UBN1: variants seen among roughly 807,000 people sequenced by gnomAD.
UBN1 encodes ubinuclein 1, also known as ubinuclein-1.
A neutral mutation model predicts 108.5 loss-of-function variants in UBN1; 17 were observed. The observed-to-expected ratio is 0.16, with a 90% CI of 0.11 to 0.24. The LOEUF is 0.24. Ranked by LOEUF, UBN1 falls within the 10% of genes least tolerant of loss-of-function variation. The pLI is 1.00. For synonymous variants in UBN1, 726 were observed against 564.2 expected (o/e 1.29, Z -4.07); for missense variants, 1,595 against 1,394.4 (o/e 1.14, Z -2.29).
chr16:4,865,217 G>A (rs76870784), intron 7 of UBN1, among the ~76,000 whole-genome samples: 28 of 152,242 alleles, frequency 1.8e-4, no homozygotes, highest in East Asian at 9.6e-4. Flanking sequence ...TTAAAATGCC[G>A]CAGTCGACTC....
intron 5 of UBN1, among the ~76,000 whole-genome samples, chr16:4,859,571 A>G (rs2086965492): frequency 6.6e-6 from 1 of 152,202 alleles, no homozygotes; most frequent in African/African-American, 2.4e-5. Context: ...AAACCTGTCT[A>G]CCACTGCCTA....
Position 4,861,010 on chromosome 16 carries a change from G to C in UBN1, c.1018G>C (p.Gly340Arg). 1 of 1,614,242 alleles carries C rather than the reference G, an allele frequency of 6.2e-7. No individual in the cohort carries two copies. Among genetic ancestry groups the C allele is most frequent in the Non-Finnish European group, 8.5e-7 (1 of 1,180,056 alleles). The stretch of plus-strand genomic sequence containing the variant: ...TATGGATGATGGAAGTGATTCCCTT[G>C]GGGTGGGATTGGACCAGGAATTCAG... Reference protein sequence around the residue: ...RDMDDGSDSLGVGLDQEFRQP... With the variant: ...RDMDDGSDSLRVGLDQEFRQP... The change falls in exon 7 of 18, where the codon GGG (glycine) becomes CGG (arginine). Residue 340 changes from glycine (G) to arginine (R), a missense_variant. Around this residue, in one of 3 missense-constraint regions of UBN1, gnomAD observed 1,398 missense variants for 1,194.7 expected, o/e 1.17. Transcript: ENST00000262376.
At chr16:4,872,823 T>C (rs938928386) in intron 12 of UBN1, 61 bp from the exon 13 acceptor site, 1 of 1,599,158 alleles carries the variant, frequency 6.3e-7, no homozygotes, top group Non-Finnish European at 8.6e-7. Context: ...AGCAAAGTTC[T>C]GGAAGCAGAG....
chr16:4,859,374 A>G (rs564056960), intron 5 of UBN1, among the ~76,000 whole-genome samples: 6 of 152,304 alleles, frequency 3.9e-5, no homozygotes, highest in African/African-American at 1.4e-4. Context: ...CATTATGTCC[A>G]TGTCACATGA....
chr16:4,865,425 A>T (rs1430374426), intron 7 of UBN1, among the ~76,000 whole-genome samples: 1 of 152,198 alleles, frequency 6.6e-6, no homozygotes, highest in Non-Finnish European at 1.5e-5. Flanking sequence ...TCATGCCTGT[A>T]ATCGCAGTAC....
chr16:4,879,458 T>A (rs953683918), intron 17 of UBN1, among the ~76,000 whole-genome samples: 7 of 150,660 alleles, frequency 4.6e-5, no homozygotes, highest in South Asian at 2.1e-4. Context: ...TCTAAAAAAA[T>A]TTTTTTTAAT....
At chr16:4,863,787 A>T (rs993789963) in intron 7 of UBN1, among the ~76,000 whole-genome samples, 10 of 152,196 alleles carry the variant, frequency 6.6e-5, no homozygotes, top group Non-Finnish European at 1.3e-4. Flanking sequence ...TCAGCTGGCA[A>T]GTTGGCCAGG....
At chr16:4,873,655 A>G (rs973579563) in intron 14 of UBN1, among the ~76,000 whole-genome samples, 9 of 152,182 alleles carry the variant, frequency 5.9e-5, no homozygotes, top group Non-Finnish European at 1.5e-5. Flanking sequence ...ACTCCTAAGT[A>G]TCTGTTGAGC....
intron 7 of UBN1, among the ~76,000 whole-genome samples, chr16:4,865,181 CA>C (rs151286255): frequency 0.035 from 5,311 of 152,138 alleles, 305 homozygotes; most frequent in African/African-American, 0.12. Context: ...GATATATATC[CA>C]ATTGCTCTTT....
At position 4,877,786 on chromosome 16, in the gene UBN1, T is replaced by C. The variant is rs1411967721; in HGVS notation, c.3355+312T>C. ...AGTTCCTAACCCTCGGCTTGTTTTTTTCTCTTCAGTTTAAAAAAAAAAAAA... is the reference window on the plus strand; with the variant it reads ...AGTTCCTAACCCTCGGCTTGTTTTTCTCTCTTCAGTTTAAAAAAAAAAAAA... On this transcript the variant is annotated intron_variant, in intron 17 of 17. Transcript: ENST00000262376. This position sits in a 1 kb window ranked among gnomAD's most constrained non-coding sequence, Gnocchi z 4.3. The C allele has an allele frequency of 1.8e-6, 2 of 1,091,062 alleles. No individual in the cohort carries two copies. The highest frequency in any genetic ancestry group is 2.2e-6 in the Non-Finnish European group (2 of 901,342). The allele number at this position is 1,091,062 out of a possible 1,614,324, so 67.6% of individuals were successfully genotyped here.
intron 7 of UBN1, among the ~76,000 whole-genome samples, chr16:4,866,057 T>TA (rs1360919308): frequency 6.6e-6 from 1 of 152,222 alleles, no homozygotes; most frequent in East Asian, 1.9e-4. Context: ...GCATGTGAAA[T>TA]ACATGTTAAT....
chr16:4,852,793 T>G (rs2086619594), intron 1 of UBN1, 86 bp from the exon 2 acceptor site: 2 of 1,306,112 alleles, frequency 1.5e-6, no homozygotes, highest in Non-Finnish European at 1.0e-6. Flanking sequence ...ACAATGAAAT[T>G]CTCTTAAACT....
At chr16:4,862,342 T>C (rs2087106861) in intron 7 of UBN1, among the ~76,000 whole-genome samples, 1 of 152,260 alleles carries the variant, frequency 6.6e-6, no homozygotes, top group African/African-American at 2.4e-5. Flanking sequence ...TTCAAAGCTC[T>C]ACCTCATCTT....
At chr16:4,880,032 A>T in intron 17 of UBN1, 51 bp from the exon 18 acceptor site, 2 of 1,604,958 alleles carry the variant, frequency 1.2e-6, no homozygotes, top group Non-Finnish European at 1.7e-6. Context: ...GCCTTAAGGA[A>T]ATCAGAGAGC....
chr16:4,859,078 T>C lies in UBN1; in HGVS notation c.486T>C (p.Ile162=). ...SLTTKYGGFY[I]NSGTLQFRQA... ...CTACGAAGTATGGAGGATTTTACAT[T>C]AACTCGGGAACCCTGCAGTTTAGAC... Residue 162 remains isoleucine, a synonymous_variant, in exon 5 of 18, where the codon ATT becomes ATC. Transcript: ENST00000262376. 1 of 1,614,228 alleles carries C rather than the reference T, an allele frequency of 6.2e-7. No individual in the cohort carries two copies. Among genetic ancestry groups the C allele is most frequent in the South Asian group, 1.1e-5 (1 of 91,080 alleles).
rs1232043239 is a variant in UBN1 at position 4,881,425 on chromosome 16, G to T, written c.*1293G>T. Reference sequence around the variant, plus strand: ...AGTGGCTGTTTCACAAGGATTTGAGGGCACTTGCCTGTCTTGTGAGGTCTG... The same window carrying T: ...AGTGGCTGTTTCACAAGGATTTGAGTGCACTTGCCTGTCTTGTGAGGTCTG... On this transcript the variant is annotated 3_prime_UTR_variant, in exon 18 of 18. Coordinates refer to ENST00000262376, the MANE Select transcript of UBN1 (RefSeq NM_001079514.3). The T allele has an allele frequency of 6.6e-6, 1 of 152,204 alleles. No homozygotes were observed. Among genetic ancestry groups the T allele is most frequent in the Non-Finnish European group, 1.5e-5 (1 of 68,038 alleles). The allele number at this position is 152,204 out of a possible 1,614,324, so 9.4% of individuals were successfully genotyped here.
intron 2 of UBN1, among the ~76,000 whole-genome samples, chr16:4,854,786 A>T (rs2086721173): frequency 6.6e-6 from 1 of 151,302 alleles, no homozygotes; most frequent in Non-Finnish European, 1.5e-5. Flanking sequence ...GCAGTGGTGC[A>T]ATCTTGGCTC....
intron 12 of UBN1, 34 bp downstream of exon 12, chr16:4,871,335 A>C: frequency 6.2e-7 from 1 of 1,606,076 alleles, no homozygotes; most frequent in Non-Finnish European, 8.5e-7. Flanking sequence ...GCATCTGTGC[A>C]GTCAAGACAC....
chr16:4,873,606 C>T (rs1873619179), intron 14 of UBN1, among the ~76,000 whole-genome samples: 1 of 152,194 alleles, frequency 6.6e-6, no homozygotes, highest in African/African-American at 2.4e-5. Flanking sequence ...CCTTAGCCAT[C>T]CCTAAGCAGA....
Sources: gnomAD v4.1 joint callset for allele counts (sites outside exome capture counted in the v4.1 genomes callset) on GRCh38, gnomAD v4.1.1 for gene constraint, gnomAD v4.1.1 regional missense constraint, Gnocchi (gnomAD v3.1) non-coding constraint, MANE v1.5 for transcripts, NCBI Gene and HGNC (gene_info 2026-07-23, HGNC 2026-07-21) for gene names.